PRKN: variants seen among roughly 807,000 people sequenced by gnomAD.
PRKN encodes parkin RBR E3 ubiquitin protein ligase.
In PRKN, 56 loss-of-function variants were observed where a neutral mutation model predicts 59.5. The observed-to-expected ratio is 0.94, with a 90% CI of 0.76 to 1.18. The LOEUF (loss-of-function observed/expected upper bound fraction) is 1.18, where lower values mean the gene tolerates loss of function less well. Among genes scored for constraint, PRKN ranks in the 50% most tolerant of loss-of-function variants. PRKN has a pLI of 0.00. For missense variants in PRKN, 657 were observed against 596.4 expected, an observed-to-expected ratio of 1.10 and a Z score of -1.06; for synonymous variants, 250 against 222.1, an observed-to-expected ratio of 1.13 and a Z score of -1.12.
In PRKN at chr6:161,571,849, G is replaced by C. The variant is rs187059937; in HGVS notation, c.872-2433C>G. On this transcript the variant is annotated intron_variant, in intron 7 of 11. Coordinates refer to ENST00000366898, the MANE Select transcript of PRKN (RefSeq NM_004562.3). ...TCGTCCCATCCACTGAGGGCACTGA[G>C]GGCCTGCACAGAACAAGAAGGCAGA... 5.3e-5 allele frequency among the ~76,000 whole-genome samples: 8 copies of C among 152,254 alleles called. No homozygotes were observed. In the South Asian group the frequency reaches 8.3e-4, roughly 16 times the overall value.
At chr6:161,673,431 C>T (rs759812470) in intron 7 of PRKN, among the ~76,000 whole-genome samples, 4 of 152,084 alleles carry the variant, frequency 2.6e-5, no homozygotes, top group Non-Finnish European at 4.4e-5. Flanking sequence ...AAGACCCTGA[C>T]GGGAAGCAGA....
At position 161,581,712 on chromosome 6, in the gene PRKN, T is replaced by C. The variant is rs572238943; in HGVS notation, c.872-12296A>G. ...CCTGAGAATGAACATCAGCAATTGG[T>C]GTTGACTCAGAAGGCTGAGATTCTG... On this transcript the variant is annotated intron_variant, in intron 7 of 11. Coordinates refer to ENST00000366898, the MANE Select transcript of PRKN (RefSeq NM_004562.3). The surrounding 1 kb of genome is among the most constrained non-coding windows in gnomAD (Gnocchi z 4.5). Among the ~76,000 whole-genome samples, 2 of 152,124 alleles carry C rather than the reference T, an allele frequency of 1.3e-5. No individual in the cohort carries two copies. The highest frequency in any genetic ancestry group is 4.8e-5 in the African/African-American group (2 of 41,492).
At chr6:161,875,341 G>A (rs1029428908) in intron 6 of PRKN, among the ~76,000 whole-genome samples, 2 of 150,938 alleles carry the variant, frequency 1.3e-5, no homozygotes, top group Admixed American at 6.7e-5. Context: ...TTACATGTGC[G>A]AGCCATCACA....
intron 1 of PRKN, among the ~76,000 whole-genome samples, chr6:162,636,576 T>G (rs1471288645): frequency 2.6e-5 from 4 of 152,234 alleles, no homozygotes; most frequent in Non-Finnish European, 4.4e-5. Flanking sequence ...TAGAGAAGTT[T>G]TGTTTCTGTT....
chr6:161,932,593 A>C (rs1253031870), intron 6 of PRKN, among the ~76,000 whole-genome samples: 1 of 152,166 alleles, frequency 6.6e-6, no homozygotes, highest in East Asian at 1.9e-4. Context: ...GCTTATGTTA[A>C]TGACCATTTT....
chr6:162,090,708 C>T (rs750900171), intron 4 of PRKN, among the ~76,000 whole-genome samples: 1 of 151,942 alleles, frequency 6.6e-6, no homozygotes, highest in African/African-American at 2.4e-5. Flanking sequence ...TGATGTAGGA[C>T]GATGTTTCAG....
intron 2 of PRKN, among the ~76,000 whole-genome samples, chr6:162,294,337 A>G (rs1405719829): frequency 2.6e-4 from 39 of 151,348 alleles, no homozygotes; most frequent in Non-Finnish European, 1.6e-4. Context: ...GAAGGAGGTG[A>G]ACAGAGAGAG....
At chr6:162,141,449 T>C (rs1781778645) in intron 4 of PRKN, among the ~76,000 whole-genome samples, 1 of 152,222 alleles carries the variant, frequency 6.6e-6, no homozygotes, top group African/African-American at 2.4e-5. Context: ...ATCTACAGTT[T>C]AATGTATTCA....
At chr6:162,357,028 A>AT (rs143803284) in intron 2 of PRKN, among the ~76,000 whole-genome samples, 32,630 of 152,062 alleles carry the variant, frequency 0.21, 3,707 homozygotes, top group Middle Eastern at 0.28. Context: ...CATGGAGAAG[A>AT]TAACAAATAA....
chr6:161,762,669 C>T (rs539114797), intron 7 of PRKN, among the ~76,000 whole-genome samples: 1 of 152,186 alleles, frequency 6.6e-6, no homozygotes, highest in South Asian at 2.1e-4. Flanking sequence ...TGAAGTTTGG[C>T]ACACAATGCA....
chr6:162,602,151 G>T (rs111721397), intron 1 of PRKN, among the ~76,000 whole-genome samples: 1 of 152,184 alleles, frequency 6.6e-6, no homozygotes, highest in Non-Finnish European at 1.5e-5. Flanking sequence ...GCACCTCCGC[G>T]TAGTCCCAAA....
At chr6:162,276,588 CAT>C (rs1780645342) in intron 2 of PRKN, among the ~76,000 whole-genome samples, 1 of 151,954 alleles carries the variant, frequency 6.6e-6, no homozygotes, top group Non-Finnish European at 1.5e-5. Flanking sequence ...ACTTTAAAAA[CAT>C]AAAATTGTCA....
intron 2 of PRKN, among the ~76,000 whole-genome samples, chr6:162,273,978 C>A (rs148313236): frequency 1.7e-3 from 251 of 152,104 alleles, no homozygotes; most frequent in Non-Finnish European, 2.7e-3. Context: ...AGGAATTTTC[C>A]TATAAAACCT....
At chr6:162,410,866 T>C (rs1392982038) in intron 2 of PRKN, among the ~76,000 whole-genome samples, 1 of 152,140 alleles carries the variant, frequency 6.6e-6, no homozygotes, top group African/African-American at 2.4e-5. Flanking sequence ...CTCATGAGGA[T>C]GAGGACTGTG....
intron 9 of PRKN, among the ~76,000 whole-genome samples, chr6:161,438,811 G>A (rs1320874394): frequency 6.6e-6 from 1 of 152,072 alleles, no homozygotes; most frequent in Non-Finnish European, 1.5e-5. Flanking sequence ...ATTGGCTTAG[G>A]AAAATTAACA....
chr6:162,089,997 C>T (rs6924502), intron 4 of PRKN, among the ~76,000 whole-genome samples: 115,078 of 152,110 alleles, frequency 0.76, 43,945 homozygotes, highest in African/African-American at 0.87. Flanking sequence ...TCTATGAATA[C>T]ACTACTAAAC....
chr6:162,023,277 G>A (rs982628056), intron 5 of PRKN, among the ~76,000 whole-genome samples: 1 of 152,096 alleles, frequency 6.6e-6, no homozygotes, highest in African/African-American at 2.4e-5. Context: ...AACTCAATTA[G>A]AGCGTCTACC....
At chr6:162,625,754 C>T (rs1313094073) in intron 1 of PRKN, among the ~76,000 whole-genome samples, 1 of 151,772 alleles carries the variant, frequency 6.6e-6, no homozygotes, top group South Asian at 2.1e-4. Flanking sequence ...ATATCTAAAA[C>T]TTATATAAAA....
intron 7 of PRKN, among the ~76,000 whole-genome samples, chr6:161,645,821 G>A (rs1783907601): frequency 6.6e-6 from 1 of 152,258 alleles, no homozygotes; most frequent in African/African-American, 2.4e-5. Context: ...ATGCCAACAT[G>A]TCCAGTAGAA....
Sources: allele counts gnomAD v4.1 joint callset (sites outside exome capture counted in the v4.1 genomes callset), GRCh38; gene constraint gnomAD v4.1.1; non-coding constraint Gnocchi (gnomAD v3.1); transcripts MANE v1.5; gene names NCBI Gene and HGNC (gene_info 2026-07-23, HGNC 2026-07-21).